The following HPSE variants were observed in gnomAD, a reference collection of about 807,000 sequenced individuals.
The protein encoded by HPSE is endo-glucoronidase.
Under a neutral mutation model 65.1 loss-of-function variants are expected in HPSE, and 48 were observed. That is an observed-to-expected ratio of 0.74 (90% confidence interval 0.58 to 0.94). The LOEUF is 0.94. Among genes scored for constraint, HPSE ranks in the 40% least tolerant of loss-of-function variants. The pLI is 0.00. For synonymous variants in HPSE, 243 were observed against 260.0 expected, an observed-to-expected ratio of 0.93 and a Z score of 0.63; for missense variants, 644 against 637.5, an observed-to-expected ratio of 1.01 and a Z score of -0.11.
At chr4:83,307,780 T>C (rs184547520) in intron 8 of HPSE, among the ~76,000 whole-genome samples, 8 of 152,248 alleles carry the variant, frequency 5.3e-5, no homozygotes, top group Non-Finnish European at 2.9e-5. Flanking sequence ...TGATGTATTC[T>C]AGGCTTATAA....
chr4:83,334,422 T>C (rs1737527828), intron 1 of HPSE, 134 bp downstream of exon 1: 2 of 963,316 alleles, frequency 2.1e-6, no homozygotes, highest in Admixed American at 5.9e-5. Context: ...AGGCGGGAAG[T>C]GGGGTGGGGA....
chr4:83,302,305 G>T, intron 9 of HPSE, 37 bp from the exon 10 acceptor site: 1 of 1,285,310 alleles, frequency 7.8e-7, no homozygotes, highest in Non-Finnish European at 1.1e-6. Context: ...GACAAAAATA[G>T]ATGTTTACTT....
intron 11 of HPSE, among the ~76,000 whole-genome samples, chr4:83,299,183 G>A (rs1735840859): frequency 6.6e-6 from 1 of 151,792 alleles, no homozygotes; most frequent in Non-Finnish European, 1.5e-5. Context: ...GGCCCACATG[G>A]TGAAACCTCA....
chr4:83,300,042 A>G (rs1346435972), intron 11 of HPSE, among the ~76,000 whole-genome samples: 1 of 152,188 alleles, frequency 6.6e-6, no homozygotes. Flanking sequence ...AATAGTCATG[A>G]GAAAGGAACT....
chr4:83,294,552 G>A lies in HPSE; in HGVS notation c.*792C>T, dbSNP rs765278079. The stretch of plus-strand genomic sequence containing the variant: ...GTGGGAGGATCAATTGAGTCCAGGA[G>A]TTCAGGACCAGTTTGGGTAACATAG... On this transcript the variant is annotated 3_prime_UTR_variant, in exon 12 of 12. Transcript: ENST00000311412. 2.0e-5 allele frequency: 3 copies of A among 152,242 alleles called. No homozygotes were observed. Among genetic ancestry groups the A allele is most frequent in the Non-Finnish European group, 4.4e-5 (3 of 68,112 alleles). The allele number at this position is 152,242 out of a possible 1,614,324, so 9.4% of individuals were successfully genotyped here. A position where few individuals can be genotyped will look rare whatever the true frequency, so the allele number is the denominator to read the frequency against.
chr4:83,310,844 CG>C lies in HPSE; in HGVS notation c.719del (p.Ser240CysfsTer3), dbSNP rs1560508448. ...ATTGAATAAAATCTTCTCCTAACTG[CG>C]ACCCATTGATGAAAATATCAGCCTT... ...LKKADIFING[S>X]QLGEDFIQLH... On this transcript the variant is annotated frameshift_variant, in exon 5 of 12. Coordinates refer to ENST00000311412, the MANE Select transcript of HPSE (RefSeq NM_001098540.3). LOFTEE classifies it high-confidence loss of function. 1 of 1,613,574 alleles carries C rather than the reference CG, an allele frequency of 6.2e-7. No individual in the cohort carries two copies. Among genetic ancestry groups the C allele is most frequent in the Non-Finnish European group, 8.5e-7 (1 of 1,179,650 alleles).
intron 1 of HPSE, among the ~76,000 whole-genome samples, chr4:83,324,113 CTTTTTTTTTTTT>C (rs398051210): frequency 6.4e-4 from 48 of 74,760 alleles, no homozygotes; most frequent in African/African-American, 2.1e-3. Flanking sequence ...TCTTCTTCTT[CTTTTTTTTTTTT>C]TTTTTTTTTT....
intron 10 of HPSE, 81 bp downstream of exon 10, chr4:83,302,069 C>G: frequency 1.2e-6 from 1 of 822,708 alleles, no homozygotes; most frequent in Non-Finnish European, 2.1e-6. Flanking sequence ...TGTATAGACA[C>G]ATGCAACAGG....
intron 11 of HPSE, among the ~76,000 whole-genome samples, chr4:83,300,676 G>C (rs1343907180): frequency 2.3e-5 from 1 of 44,224 alleles, no homozygotes; most frequent in Non-Finnish European, 6.4e-5. Flanking sequence ...TTAGCCGGGC[G>C]TAGTGGCGGG....
In HPSE at chr4:83,310,154, C is replaced by T. The variant is rs1736311842; in HGVS notation, c.843-76G>A. The stretch of plus-strand genomic sequence containing the variant: ...CAATATACGCATGAGAGTTTTATTC[C>T]CTAGAAATGGGCTGGTTACTGCTTT... On this transcript the variant is annotated intron_variant, in intron 5 of 11. Transcript: ENST00000311412. 11 of 962,030 alleles carry T rather than the reference C, an allele frequency of 1.1e-5. No homozygotes were observed. In the South Asian group the frequency reaches 1.7e-4, roughly 15 times the overall value. The allele number at this position is 962,030 out of a possible 1,614,324, so 59.6% of individuals were successfully genotyped here.
At chr4:83,319,850 C>A (rs1351740075) in intron 2 of HPSE, among the ~76,000 whole-genome samples, 1 of 151,866 alleles carries the variant, frequency 6.6e-6, no homozygotes, top group Non-Finnish European at 1.5e-5. Flanking sequence ...CACTTGAGGT[C>A]AGGAGTTCGA....
In HPSE at chr4:83,295,489, T is replaced by C. The variant is rs568670121; in HGVS notation, c.1487A>G (p.Asn496Ser). Residue 496 changes from asparagine (N) to serine (S), a missense_variant, in exon 12 of 12, where the codon AAT becomes AGT. By Grantham distance (46) the Asn-to-Ser change is conservative. Coordinates refer to ENST00000311412, the MANE Select transcript of HPSE (RefSeq NM_001098540.3). ...ATCCACCATCTTTAGAGTTAGACCA[T>C]TGAGTTGGACAGATCTGCAAAGGAG... Reference protein sequence around the residue: ...HGLLSKSVQLNGLTLKMVDDQ... With the variant: ...HGLLSKSVQLSGLTLKMVDDQ... 3.1e-6 allele frequency: 5 copies of C among 1,606,758 alleles called. No homozygotes were observed. The South Asian group carries it at 3.3e-5, about 11-fold the overall frequency.
At chr4:83,311,732 T>C (rs562215129) in intron 4 of HPSE, among the ~76,000 whole-genome samples, 1 of 144,470 alleles carries the variant, frequency 6.9e-6, no homozygotes, top group African/African-American at 2.6e-5. Flanking sequence ...CATTGAGCTA[T>C]GAACACGCCA....
rs188833227 is a variant in HPSE at position 83,308,195 on chromosome 4, C to A, written c.1091+650G>T. Among the ~76,000 whole-genome samples the A allele has an allele frequency of 4.0e-3, 609 of 151,770 alleles. 6 individuals carry two copies. The highest frequency in any genetic ancestry group is 0.014 in the African/African-American group (581 of 41,370). On this transcript the variant is annotated intron_variant, in intron 8 of 11. Coordinates refer to ENST00000311412, the MANE Select transcript of HPSE (RefSeq NM_001098540.3). ...GGCTGAGGTAGGCAGATCACTTGAG[C>A]TCACGGGTTTCAGACCAGCCTGGGC...
At chr4:83,332,929 C>A (rs973458653) in intron 1 of HPSE, among the ~76,000 whole-genome samples, 10 of 150,918 alleles carry the variant, frequency 6.6e-5, no homozygotes, top group African/African-American at 1.9e-4. Flanking sequence ...CGCCCCCCCC[C>A]ACCCCACACC....
rs1422043034 is a variant in HPSE, at chr4:83,308,871, T to G, written c.1065A>C (p.Leu355=). 6.2e-7 allele frequency: 1 copy of G among 1,613,896 alleles called. No individual in the cohort carries two copies. The highest frequency in any genetic ancestry group is 8.5e-7 in the Non-Finnish European group (1 of 1,179,942). ...TAAAGCCAGCTGCAAAGGTGTCGGA[T>G]AGCAAGGGCGCTCCGCCTCCATATG... ...SSAYGGGAPL[L]SDTFAAGFMW... The change falls in exon 8 of 12, where the codon CTA becomes CTC. Residue 355 remains leucine (L), a synonymous_variant. Transcript: ENST00000311412.
At chr4:83,314,889 C>T (rs1328063590) in intron 3 of HPSE, among the ~76,000 whole-genome samples, 1 of 152,146 alleles carries the variant, frequency 6.6e-6, no homozygotes, top group Non-Finnish European at 1.5e-5. Flanking sequence ...AGTGCAGTGG[C>T]TCATGCCTGT....
intron 3 of HPSE, among the ~76,000 whole-genome samples, chr4:83,314,546 C>G (rs765798987): frequency 2.6e-5 from 4 of 152,094 alleles, no homozygotes; most frequent in Non-Finnish European, 4.4e-5. Context: ...TATTAAGGTG[C>G]CATAAGTTTG....
In HPSE at chr4:83,322,381, C is replaced by A. The variant is rs1736943332; in HGVS notation, c.228-17G>T. ...TTTGGAGAACTGTTAGGAAGACAAG[C>A]AAGAAAGTATAACTATTTTTTCCAA... On this transcript the variant is annotated splice_polypyrimidine_tract_variant and intron_variant, in intron 1 of 11. Transcript: ENST00000311412. 1 of 1,591,874 alleles carries A rather than the reference C, an allele frequency of 6.3e-7. No homozygotes were observed. The highest frequency in any genetic ancestry group is 1.2e-5 in the South Asian group (1 of 86,852).
Sources: gnomAD v4.1 joint callset for allele counts (sites outside exome capture counted in the v4.1 genomes callset) on GRCh38, gnomAD v4.1.1 for gene constraint, MANE v1.5 for transcripts, NCBI Gene and HGNC (gene_info 2026-07-23, HGNC 2026-07-21) for gene names.